TMTC2: variants seen among roughly 807,000 people sequenced by gnomAD.
The protein encoded by TMTC2 is protein O-mannosyl-transferase TMTC2.
Under a neutral mutation model 82.4 loss-of-function variants are expected in TMTC2, and 43 were observed. The ratio of observed to expected loss-of-function variants is 0.52; its 90% confidence interval spans 0.41 to 0.67. The LOEUF (loss-of-function observed/expected upper bound fraction) is 0.67, where lower values mean the gene tolerates loss of function less well. Among genes scored for constraint, TMTC2 ranks in the 30% least tolerant of loss-of-function variants. The probability of loss-of-function intolerance (pLI) is 0.00; values close to 1 mark genes in which losing one functional copy is unlikely to be tolerated. For missense variants in TMTC2, 919 were observed against 1,012.4 expected (o/e 0.91, Z 1.25); for synonymous variants, 408 against 381.9 (o/e 1.07, Z -0.80).
At chr12:83,106,493 C>T (rs1317827546) in intron 11 of TMTC2, among the ~76,000 whole-genome samples, 1 of 138,250 alleles carries the variant, frequency 7.2e-6, no homozygotes, top group East Asian at 2.2e-4. Context: ...GAGCAAAACT[C>T]TGTCTCCAAA....
At chr12:82,789,025 A>C (rs541963547) in intron 1 of TMTC2, among the ~76,000 whole-genome samples, 1 of 152,234 alleles carries the variant, frequency 6.6e-6, no homozygotes, top group Admixed American at 6.5e-5. Context: ...AAAGAAAGGA[A>C]AACCTGTTAC....
intron 1 of TMTC2, among the ~76,000 whole-genome samples, chr12:82,734,569 A>G (rs1874991236): frequency 6.6e-6 from 1 of 152,146 alleles, no homozygotes; most frequent in African/African-American, 2.4e-5. Flanking sequence ...AAGGGTTCAT[A>G]GGGACCCTTT....
At chr12:82,841,607 C>A (rs2137090198) in intron 1 of TMTC2, among the ~76,000 whole-genome samples, 1 of 152,164 alleles carries the variant, frequency 6.6e-6, no homozygotes, top group Non-Finnish European at 1.5e-5. Context: ...GTCTGTGTAC[C>A]CTGTCATCAC....
At position 82,687,139 on chromosome 12, in the gene TMTC2, C is replaced by G. The variant is rs1872343900; in HGVS notation, c.-448C>G. On this transcript the variant is annotated 5_prime_UTR_variant, in exon 1 of 12. Coordinates refer to ENST00000321196, the MANE Select transcript of TMTC2 (RefSeq NM_152588.3). ...CTCCCACCCGCGCCTCTTTCTCTCTCTTCCTCCAGCTGGTCCCAGAGCCCG... is the reference window on the plus strand; with the variant it reads ...CTCCCACCCGCGCCTCTTTCTCTCTGTTCCTCCAGCTGGTCCCAGAGCCCG... 5.9e-6 allele frequency: 1 copy of G among 169,064 alleles called. No homozygotes were observed. Among genetic ancestry groups the G allele is most frequent in the Non-Finnish European group, 1.3e-5 (1 of 78,086 alleles). 10.5% of individuals were successfully genotyped at this position (169,064 alleles called of 1,614,324 possible).
At chr12:83,064,791 T>G (rs1882860035) in intron 11 of TMTC2, among the ~76,000 whole-genome samples, 1 of 152,016 alleles carries the variant, frequency 6.6e-6, no homozygotes, top group Admixed American at 6.6e-5. Flanking sequence ...TGATCTGATT[T>G]AAAGCATTCA....
chr12:82,913,611 C>T (rs898451055), intron 3 of TMTC2, among the ~76,000 whole-genome samples: 3 of 152,090 alleles, frequency 2.0e-5, no homozygotes, highest in Non-Finnish European at 2.9e-5. Flanking sequence ...ATTCATTAAT[C>T]ACTGGTTTTG....
chr12:82,972,273 C>T (rs748754237), intron 7 of TMTC2, among the ~76,000 whole-genome samples: 1 of 151,996 alleles, frequency 6.6e-6, no homozygotes, highest in Non-Finnish European at 1.5e-5. Context: ...TTCTGATTCT[C>T]TTATGATAAT....
intron 2 of TMTC2, among the ~76,000 whole-genome samples, chr12:82,891,168 A>G (rs1230293504): frequency 6.6e-6 from 1 of 152,366 alleles, no homozygotes; most frequent in South Asian, 2.1e-4. Flanking sequence ...AAACCATAGC[A>G]TAGGGACTAA....
chr12:82,764,599 C>T (rs1403338473), intron 1 of TMTC2, among the ~76,000 whole-genome samples: 2 of 152,256 alleles, frequency 1.3e-5, no homozygotes, highest in East Asian at 3.9e-4. Flanking sequence ...CCACATTTTG[C>T]CCTTAAGCTC....
At chr12:82,818,416 A>G (rs1418984824) in intron 1 of TMTC2, among the ~76,000 whole-genome samples, 4 of 152,148 alleles carry the variant, frequency 2.6e-5, no homozygotes, top group Non-Finnish European at 2.9e-5. Flanking sequence ...TAATGCCTAC[A>G]TGCTTCTCAA....
chr12:83,049,724 T>TGAGAAATC (rs1882279139), intron 9 of TMTC2, among the ~76,000 whole-genome samples: 1 of 152,238 alleles, frequency 6.6e-6, no homozygotes, highest in Admixed American at 6.5e-5. Flanking sequence ...TTAAGTTCTT[T>TGAGAAATC]GAGAAATCAG....
chr12:83,010,828 A>ATTAT (rs5799608), intron 8 of TMTC2, among the ~76,000 whole-genome samples: 3 of 151,296 alleles, frequency 2.0e-5, no homozygotes, highest in African/African-American at 7.3e-5. Flanking sequence ...TTGATGTTTT[A>ATTAT]TTATTTATTT....
At chr12:82,693,166 A>G (rs937557777) in intron 1 of TMTC2, among the ~76,000 whole-genome samples, 3 of 152,172 alleles carry the variant, frequency 2.0e-5, no homozygotes, top group African/African-American at 4.8e-5. Context: ...ATCTATACAA[A>G]TGCTGATAGG....
At chr12:82,999,828 C>T (rs974652741) in intron 8 of TMTC2, among the ~76,000 whole-genome samples, 4 of 152,154 alleles carry the variant, frequency 2.6e-5, no homozygotes, top group Non-Finnish European at 5.9e-5. Context: ...AGAGCCAAAC[C>T]ATATCATTCT....
intron 3 of TMTC2, among the ~76,000 whole-genome samples, chr12:82,918,747 CCTCT>C (rs768505977): frequency 1.2e-4 from 16 of 129,210 alleles, no homozygotes; most frequent in Admixed American, 3.1e-4. Flanking sequence ...TCTTTCTCTC[CCTCT>C]CTCTCTCTCT....
chr12:82,693,904 G>A (rs543420790), intron 1 of TMTC2, among the ~76,000 whole-genome samples: 1 of 144,798 alleles, frequency 6.9e-6, no homozygotes, highest in Admixed American at 7.4e-5. Context: ...GAAGGCGGAG[G>A]ATGCAGTGAG....
chr12:83,034,110 G>A (rs1384290944), intron 9 of TMTC2, among the ~76,000 whole-genome samples: 1 of 151,914 alleles, frequency 6.6e-6, no homozygotes, highest in Non-Finnish European at 1.5e-5. Flanking sequence ...TTTATACAGT[G>A]TATCTACTAG....
intron 3 of TMTC2, among the ~76,000 whole-genome samples, chr12:82,909,403 G>A (rs546017300): frequency 3.7e-4 from 57 of 152,082 alleles, no homozygotes; most frequent in Admixed American, 1.9e-3. Context: ...ATAGTGGTGC[G>A]ATCTCGGATC....
At chr12:82,727,409 G>T (rs1411354670) in intron 1 of TMTC2, among the ~76,000 whole-genome samples, 1 of 152,018 alleles carries the variant, frequency 6.6e-6, no homozygotes, top group Non-Finnish European at 1.5e-5. Flanking sequence ...GACTGGAAAG[G>T]TTGGGATCAT....
Sources: gnomAD v4.1 joint callset for allele counts (sites outside exome capture counted in the v4.1 genomes callset) on GRCh38, gnomAD v4.1.1 for gene constraint, MANE v1.5 for transcripts, NCBI Gene and HGNC (gene_info 2026-07-23, HGNC 2026-07-21) for gene names.